NAT2: variants seen among roughly 807,000 people sequenced by gnomAD.
NAT2 encodes the protein arylamine N-acetyltransferase 2.
For synonymous variants in NAT2, 137 were observed against 125.9 expected, an observed-to-expected ratio of 1.09 and a Z score of -0.59; for missense variants, 428 against 339.1, an observed-to-expected ratio of 1.26 and a Z score of -2.06.
In NAT2 at chr8:18,400,485, T is replaced by C. The variant is rs1800771738; in HGVS notation, c.482T>C (p.Leu161Pro). The C allele has an allele frequency of 6.2e-7, 1 of 1,613,748 alleles. No individual in the cohort carries two copies. Among genetic ancestry groups the C allele is most frequent in the Admixed American group, 1.7e-5 (1 of 59,942 alleles). ...ACAGAAGAGAGAGGAATCTGGTACC[T>C]GGACCAAATCAGGAGAGAGCAGTAT... ...CLTEERGIWY[L>P]DQIRREQYIT... The change falls in exon 2 of 2, where the codon CTG becomes CCG. Residue 161 changes from leucine to proline, a missense_variant. Coordinates refer to ENST00000286479, the MANE Select transcript of NAT2 (RefSeq NM_000015.3).
intron 1 of NAT2, among the ~76,000 whole-genome samples, chr8:18,396,333 A>C (rs1485445257): frequency 6.6e-6 from 1 of 152,228 alleles, no homozygotes; most frequent in Admixed American, 6.5e-5. Context: ...GCTTATATAT[A>C]GAATTCCTTT....
Position 18,400,126 on chromosome 8 carries a change from C to T in NAT2, c.123C>T (p.Asn41=). The change falls in exon 2 of 2, where the codon AAC becomes AAT. Residue 41 remains asparagine (N), a synonymous_variant. Coordinates refer to ENST00000286479, the MANE Select transcript of NAT2 (RefSeq NM_000015.3). ...GGGCTGTTCCCTTTGAGAACCTTAACATGCATTGTGGGCAAGCCATGGAGT... is the reference window on the plus strand; with the variant it reads ...GGGCTGTTCCCTTTGAGAACCTTAATATGCATTGTGGGCAAGCCATGGAGT... The part of the protein sequence containing the change: ...QIRAVPFENL[N]MHCGQAMELG... 2 of 1,614,042 alleles carry T rather than the reference C, an allele frequency of 1.2e-6. No homozygotes were observed. The highest frequency in any genetic ancestry group is 1.7e-6 in the Non-Finnish European group (2 of 1,179,962).
At chr8:18,399,730 C>G (rs1163303087) in intron 1 of NAT2, among the ~76,000 whole-genome samples, 1 of 152,084 alleles carries the variant, frequency 6.6e-6, no homozygotes, top group East Asian at 1.9e-4. Context: ...CATTTGGCTC[C>G]TTATTTAATC....
chr8:18,386,310 T>C (rs747670623), upstream of NAT2, among the ~76,000 whole-genome samples: 2 of 152,220 alleles, frequency 1.3e-5, no homozygotes, highest in Admixed American at 1.3e-4. Context: ...GTGAGGCATG[T>C]CAGTCACTGC....
chr8:18,400,828 G>A lies in NAT2; in HGVS notation c.825G>A (p.Leu275=). 5.6e-6 allele frequency: 9 copies of A among 1,608,156 alleles called. No individual in the cohort carries two copies. The highest frequency in any genetic ancestry group is 7.6e-6 in the Non-Finnish European group (9 of 1,178,340). ...TGAGAAATATATTTAAGATTTCCTT[G>A]GGGAGAAATCTCGTGCCCAAACCTG... is the stretch of plus-strand genomic sequence containing the variant. The part of the protein sequence containing the change: ...EVLRNIFKIS[L]GRNLVPKPGD... Residue 275 remains leucine (L), a synonymous_variant, in exon 2 of 2, where the codon TTG becomes TTA. Coordinates refer to ENST00000286479, the MANE Select transcript of NAT2 (RefSeq NM_000015.3).
Position 18,400,787 on chromosome 8 carries a change from GA to G in NAT2, c.785del (p.Glu262GlyfsTer6). The part of the protein sequence containing the change: ...LVEFKTLTEE[E>X]VEEVLRNIFK... ...CGAGTTTAAAACTCTCACTGAGGAA[GA>G]GGTTGAAGAAGTGCTGAGAAATATA... On this transcript the variant is annotated frameshift_variant, in exon 2 of 2. Transcript: ENST00000286479. LOFTEE classifies it low-confidence loss of function (END_TRUNC). 6.2e-7 allele frequency: 1 copy of G among 1,612,786 alleles called. No individual in the cohort carries two copies. The highest frequency in any genetic ancestry group is 1.3e-5 in the African/African-American group (1 of 74,974).
upstream of NAT2, chr8:18,387,664 T>C: frequency 6.3e-6 from 1 of 157,840 alleles, no homozygotes. Flanking sequence ...CCGCAGCTCT[T>C]TCGCTTCCTC....
chr8:18,396,399 T>C (rs1328618693), intron 1 of NAT2, among the ~76,000 whole-genome samples: 1 of 152,224 alleles, frequency 6.6e-6, no homozygotes, highest in East Asian at 1.9e-4. Context: ...CATTTTTAAC[T>C]TAAAACAATC....
upstream of NAT2, among the ~76,000 whole-genome samples, chr8:18,387,946 G>A (rs1364179303): frequency 6.6e-6 from 1 of 152,154 alleles, no homozygotes; most frequent in Non-Finnish European, 1.5e-5. Flanking sequence ...AGAAGGGTTG[G>A]AGTTGAATGT....
At chr8:18,388,063 A>G (rs1372104464), upstream of NAT2, among the ~76,000 whole-genome samples, 2 of 152,244 alleles carry the variant, frequency 1.3e-5, no homozygotes, top group African/African-American at 2.4e-5. Context: ...ACCTTCTGCC[A>G]GGAGCATGAA....
rs76361278 is a variant in NAT2, at chr8:18,398,214, T to C, written c.-6-1784T>C. 1.2e-3 allele frequency among the ~76,000 whole-genome samples: 182 copies of C among 152,308 alleles called. No individual in the cohort carries two copies. In the East Asian group the frequency reaches 0.027, roughly 23 times the overall value. ...GATTGAGGCAAAAGGCATAACCTAATGCCAATGGACTGGGGAAACCCAGCA... is the reference window on the plus strand; with the variant it reads ...GATTGAGGCAAAAGGCATAACCTAACGCCAATGGACTGGGGAAACCCAGCA... On this transcript the variant is annotated intron_variant, in intron 1 of 1. Coordinates refer to ENST00000286479, the MANE Select transcript of NAT2 (RefSeq NM_000015.3).
At chr8:18,392,249 T>C (rs1800603265) in intron 1 of NAT2, among the ~76,000 whole-genome samples, 1 of 152,160 alleles carries the variant, frequency 6.6e-6, no homozygotes, top group Non-Finnish European at 1.5e-5. Context: ...AAGGGGAGTT[T>C]ATTAAGGAGT....
intron 1 of NAT2, 76 bp from the exon 2 acceptor site, chr8:18,399,922 A>G (rs1800757811): frequency 7.0e-7 from 1 of 1,433,552 alleles, no homozygotes; most frequent in East Asian, 2.3e-5. Context: ...AAAATACGTT[A>G]TACCTATAAT....
rs374177543 is a variant in NAT2, at chr8:18,400,458, T to G, written c.455T>G (p.Leu152Trp). Residue 152 changes from leucine to tryptophan, a missense_variant, in exon 2 of 2, where the codon TTG becomes TGG. Transcript: ENST00000286479. The stretch of plus-strand genomic sequence containing the variant: ...CCTCAGGTGCCTTGCATTTTCTGCT[T>G]GACAGAAGAGAGAGGAATCTGGTAC... Reference protein sequence around the residue: ...DQPQVPCIFCLTEERGIWYLD... With the variant: ...DQPQVPCIFCWTEERGIWYLD... 54 of 1,613,596 alleles carry G rather than the reference T, an allele frequency of 3.3e-5. No homozygotes were observed. Among genetic ancestry groups the G allele is most frequent in the Non-Finnish European group, 4.3e-5 (51 of 1,179,940 alleles).
rs549957316 is a variant in NAT2, at chr8:18,398,736, G to C, written c.-6-1262G>C. On this transcript the variant is annotated intron_variant, in intron 1 of 1. Transcript: ENST00000286479. The stretch of plus-strand genomic sequence containing the variant: ...GTAGCTTTGGGTTGATATCCTCCCA[G>C]CTTCTAGCCTTGCAGCATAATACAT... Among the ~76,000 whole-genome samples, 5 of 152,280 alleles carry C rather than the reference G, an allele frequency of 3.3e-5. No individual in the cohort carries two copies. The East Asian group carries it at 9.6e-4, about 29-fold the overall frequency.
In NAT2 at chr8:18,397,923, G is replaced by A. The variant is rs561772431; in HGVS notation, c.-6-2075G>A. 1.9e-4 allele frequency among the ~76,000 whole-genome samples: 29 copies of A among 151,740 alleles called. 1 individual carries two copies. The highest frequency in any genetic ancestry group is 9.8e-4 in the Admixed American group (15 of 15,242). ...CTATAGCCTGATGCTGAAGTGTTTC[G>A]TCTTAAAGCTTCAAAAAAAGCAATG... On this transcript the variant is annotated intron_variant, in intron 1 of 1. Transcript: ENST00000286479.
intron 1 of NAT2, among the ~76,000 whole-genome samples, chr8:18,399,279 G>A (rs1012820054): frequency 6.6e-6 from 1 of 152,106 alleles, no homozygotes; most frequent in African/African-American, 2.4e-5. Flanking sequence ...TAACCACCTT[G>A]TTTGAATTCA....
chr8:18,390,134 G>T (rs1459716520), upstream of NAT2, among the ~76,000 whole-genome samples: 1 of 152,184 alleles, frequency 6.6e-6, no homozygotes, highest in East Asian at 1.9e-4. Flanking sequence ...CTGAGTGGTG[G>T]TCCCAGGTGC....
chr8:18,400,487 G>C lies in NAT2; in HGVS notation c.484G>C (p.Asp162His). ...AGAAGAGAGAGGAATCTGGTACCTG[G>C]ACCAAATCAGGAGAGAGCAGTATAT... The part of the protein sequence containing the change: ...LTEERGIWYL[D>H]QIRREQYITN... Residue 162 changes from aspartate to histidine, a missense_variant, in exon 2 of 2, where the codon GAC becomes CAC. Transcript: ENST00000286479. 1 of 1,613,686 alleles carries C rather than the reference G, an allele frequency of 6.2e-7. No individual in the cohort carries two copies. The highest frequency in any genetic ancestry group is 1.3e-5 in the African/African-American group (1 of 74,890).
Sources: allele counts gnomAD v4.1 joint callset (sites outside exome capture counted in the v4.1 genomes callset), GRCh38; gene constraint gnomAD v4.1.1; transcripts MANE v1.5; gene names NCBI Gene and HGNC (gene_info 2026-07-23, HGNC 2026-07-21).